Variants in AKT2 observed in about 807,000 individuals in gnomAD.
AKT2 encodes RAC-beta serine/threonine-protein kinase.
AKT2 carries 16 observed loss-of-function variants against 58.6 expected under a neutral mutation model. The observed-to-expected ratio is 0.27, with a 90% CI of 0.18 to 0.41. The LOEUF is 0.41. Among genes scored for constraint, AKT2 ranks in the 10% least tolerant of loss-of-function variants. The pLI, the probability that AKT2 is intolerant of heterozygous loss-of-function variation, is 1.00. For missense variants in AKT2, 438 were observed against 661.0 expected (o/e 0.66, Z 3.70); for synonymous variants, 253 against 254.0 (o/e 1.00, Z 0.04).
chr19:40,233,022 C>G lies in AKT2; in HGVS notation c.*850G>C, dbSNP rs73933226. 4.3e-6 allele frequency: 1 copy of G among 234,544 alleles called. No individual in the cohort carries two copies. The highest frequency in any genetic ancestry group is 8.4e-6 in the Non-Finnish European group (1 of 119,106). 14.5% of individuals were successfully genotyped at this position (234,544 alleles called of 1,614,324 possible). ...GCCAAGGCTGGTGGCCCTCCACCCC[C>G]GCAGAGGAGAGGGTGAGCCCAGCCC... is the stretch of plus-strand genomic sequence containing the variant. On this transcript the variant is annotated 3_prime_UTR_variant, in exon 14 of 14. Coordinates refer to ENST00000392038, the MANE Select transcript of AKT2 (RefSeq NM_001626.6). This position sits in a 1 kb window ranked among gnomAD's most constrained non-coding sequence, Gnocchi z 4.3.
chr19:40,236,429 T>C, intron 9 of AKT2, 44 bp from the exon 10 acceptor site: 7 of 1,613,278 alleles, frequency 4.3e-6, no homozygotes, highest in Non-Finnish European at 5.9e-6. Flanking sequence ...CTCCCAAGGC[T>C]TCCTGCCACC....
At chr19:40,252,252 T>C (rs1357970569) in intron 4 of AKT2, among the ~76,000 whole-genome samples, 1 of 152,212 alleles carries the variant, frequency 6.6e-6, no homozygotes, top group Admixed American at 6.5e-5. Flanking sequence ...GCTGGGTTTC[T>C]GGTTCACCCC....
rs756750912 is a variant in AKT2, at chr19:40,236,011, T to G, written c.1054A>C (p.Asn352His). The G allele has an allele frequency of 6.2e-7, 1 of 1,613,940 alleles. No homozygotes were observed. The highest frequency in any genetic ancestry group is 1.3e-5 in the African/African-American group (1 of 74,886). ...EMMCGRLPFY[N>H]QDHERLFELI... ...TCGAAGAGGCGCTCGTGGTCCTGGT[T>G]GTAGAAGGGCAGGCGGCCGCACATC... The change falls in exon 11 of 14, where the codon AAC becomes CAC. Residue 352 changes from asparagine (N) to histidine (H), a missense_variant. Asn to His is a moderately conservative substitution (Grantham distance 68). Around this residue, in one of 3 missense-constraint regions of AKT2, gnomAD observed 148 missense variants for 199.5 expected, o/e 0.74. Transcript: ENST00000392038.
rs1396955677 is a variant in AKT2 at position 40,237,863 on chromosome 19, T to TG, written c.831+105dup. The TG allele has an allele frequency of 1.5e-5, 23 of 1,521,850 alleles. No individual in the cohort carries two copies. The highest frequency in any genetic ancestry group is 2.0e-5 in the Non-Finnish European group (22 of 1,125,324). 94.3% of individuals were successfully genotyped at this position (1,521,850 alleles called of 1,614,324 possible). ...GGGCAGCCACCACCCTGGACCTTGG[T>TG]GGGGAGCCTGGCGAATGAGGGCAGA... is the stretch of plus-strand genomic sequence containing the variant. On this transcript the variant is annotated intron_variant, in intron 9 of 13. Coordinates refer to ENST00000392038, the MANE Select transcript of AKT2 (RefSeq NM_001626.6). This position sits in a 1 kb window ranked among gnomAD's most constrained non-coding sequence, Gnocchi z 4.5.
rs1975455260 is a variant in AKT2 at position 40,255,272 on chromosome 19, G to A, written c.176-3C>T. The stretch of plus-strand genomic sequence containing the variant: ...CTCGGTCTTCATCAGCTGGCATTCT[G>A]CAGGCAGAGGGAACAGACAGCAGGG... On this transcript the variant is annotated splice_region_variant and splice_polypyrimidine_tract_variant and intron_variant, in intron 3 of 13. Coordinates refer to ENST00000392038, the MANE Select transcript of AKT2 (RefSeq NM_001626.6). The A allele has an allele frequency of 6.2e-7, 1 of 1,612,714 alleles. No individual in the cohort carries two copies. The highest frequency in any genetic ancestry group is 8.5e-7 in the Non-Finnish European group (1 of 1,178,922).
intron 3 of AKT2, 164 bp from the exon 4 acceptor site, chr19:40,255,433 G>A: frequency 1.7e-6 from 1 of 586,460 alleles, no homozygotes; most frequent in East Asian, 2.9e-5. Flanking sequence ...CAGGGCTCAG[G>A]GTCTAGTGTG....
intron 7 of AKT2, 55 bp downstream of exon 7, chr19:40,239,990 T>G: frequency 2.2e-5 from 34 of 1,576,396 alleles, no homozygotes; most frequent in Non-Finnish European, 2.4e-5. Flanking sequence ...GCTCTCTCTC[T>G]GAGCTCTGTC....
Position 40,242,017 on chromosome 19 carries a change from T to C in AKT2, c.494A>G (p.Lys165Arg). The change falls in exon 6 of 14, where the codon AAA becomes AGA. Residue 165 changes from lysine (K) to arginine (R), a missense_variant. Transcript: ENST00000392038. This position sits in a 1 kb window ranked among gnomAD's most constrained non-coding sequence, Gnocchi z 4.3. ...LKLLGKGTFGKVILVREKATG... is the reference protein window; with the variant it reads ...LKLLGKGTFGRVILVREKATG... Reference sequence around the variant, plus strand: ...GGCCTTCTCCCGCACCAGGATGACTTTGCCAAAGGTTCCCTTGCCAAGGAG... The same window carrying C: ...GGCCTTCTCCCGCACCAGGATGACTCTGCCAAAGGTTCCCTTGCCAAGGAG... 6.2e-7 allele frequency: 1 copy of C among 1,614,226 alleles called. No homozygotes were observed. The highest frequency in any genetic ancestry group is 8.5e-7 in the Non-Finnish European group (1 of 1,180,042).
At chr19:40,283,625 C>A (rs2077462696) in intron 1 of AKT2, among the ~76,000 whole-genome samples, 1 of 152,206 alleles carries the variant, frequency 6.6e-6, no homozygotes, top group African/African-American at 2.4e-5. Flanking sequence ...GGCTACAGGG[C>A]AAGCCAAGGT....
At chr19:40,252,401 G>A (rs1975221613) in intron 4 of AKT2, among the ~76,000 whole-genome samples, 2 of 152,310 alleles carry the variant, frequency 1.3e-5, no homozygotes, top group Non-Finnish European at 1.5e-5. Flanking sequence ...TCTTGGTAAA[G>A]GAAAGGGCAT....
chr19:40,241,655 A>G (rs914688691), intron 6 of AKT2: 35 of 472,822 alleles, frequency 7.4e-5, no homozygotes, highest in Non-Finnish European at 1.6e-5. Context: ...GTCCTCCCCA[A>G]CAGGCCCCAG....
intron 1 of AKT2, chr19:40,279,668 A>AAG (rs1555779273): frequency 4.0e-5 from 6 of 150,614 alleles, no homozygotes; most frequent in Non-Finnish European, 4.4e-5. Context: ...AAAAAAAAAA[A>AAG]GCCAGAGCGC....
chr19:40,242,297 G>C lies in AKT2; in HGVS notation c.442-228C>G, dbSNP rs1974460129. 1 of 856,230 alleles carries C rather than the reference G, an allele frequency of 1.2e-6. No homozygotes were observed. The highest frequency in any genetic ancestry group is 1.8e-6 in the Non-Finnish European group (1 of 547,476). 53.0% of individuals were successfully genotyped at this position (856,230 alleles called of 1,614,324 possible). ...CTGGGCTCTGACGTGGGGGTAGCCAGGTCTTCACCAACTCCCAGGACGAAC... is the reference window on the plus strand; with the variant it reads ...CTGGGCTCTGACGTGGGGGTAGCCACGTCTTCACCAACTCCCAGGACGAAC... On this transcript the variant is annotated intron_variant, in intron 5 of 13. Transcript: ENST00000392038. The surrounding 1 kb of genome is among the most constrained non-coding windows in gnomAD (Gnocchi z 4.3).
chr19:40,284,968 C>CCT, intron 1 of AKT2: 1 of 360,220 alleles, frequency 2.8e-6, no homozygotes, highest in Middle Eastern at 7.1e-4. Flanking sequence ...CCCCCCACCG[C>CCT]CTCAGTGGTA....
At chr19:40,278,903 C>G (rs1481005288) in intron 1 of AKT2, among the ~76,000 whole-genome samples, 1 of 151,748 alleles carries the variant, frequency 6.6e-6, no homozygotes, top group African/African-American at 2.4e-5. Context: ...GTGCCAAGAG[C>G]AGGGTTCTCA....
Position 40,230,381 on chromosome 19 carries a change from T to C in AKT2, c.*3491A>G, listed in dbSNP as rs191463799. The C allele has an allele frequency of 1.1e-3, 239 of 220,540 alleles. No individual in the cohort carries two copies. Among genetic ancestry groups the C allele is most frequent in the Admixed American group, 2.2e-3 (38 of 17,362 alleles). The allele number at this position is 220,540 out of a possible 1,614,324, so 13.7% of individuals were successfully genotyped here. ...CACCAAACGAAACCAAGTCAATTCC[T>C]GTTAACGGGGCAGCTGAAGCGGTTG... On this transcript the variant is annotated 3_prime_UTR_variant, in exon 14 of 14. Coordinates refer to ENST00000392038, the MANE Select transcript of AKT2 (RefSeq NM_001626.6).
Position 40,240,713 on chromosome 19 carries a change from C to A in AKT2, c.574-603G>T, listed in dbSNP as rs149948043. 3 of 195,820 alleles carry A rather than the reference C, an allele frequency of 1.5e-5. No individual in the cohort carries two copies. In the East Asian group the frequency reaches 3.9e-4, roughly 25 times the overall value. The allele number at this position is 195,820 out of a possible 1,614,324, so 12.1% of individuals were successfully genotyped here. A position where few individuals can be genotyped will look rare whatever the true frequency, so the allele number is the denominator to read the frequency against. ...AAAAATCTGGAGCCACCTGCAGCAA[C>A]GTGAACACAGGCTCTCTCTGGGGCA... On this transcript the variant is annotated intron_variant, in intron 6 of 13. Coordinates refer to ENST00000392038, the MANE Select transcript of AKT2 (RefSeq NM_001626.6).
At position 40,231,367 on chromosome 19, in the gene AKT2, G is replaced by A. The variant is rs1973694180; in HGVS notation, c.*2505C>T. 1 of 233,040 alleles carries A rather than the reference G, an allele frequency of 4.3e-6. No individual in the cohort carries two copies. Among genetic ancestry groups the A allele is most frequent in the African/African-American group, 2.2e-5 (1 of 45,322 alleles). The allele number at this position is 233,040 out of a possible 1,614,324, so 14.4% of individuals were successfully genotyped here. ...GAAGAGTAAAAGGCCTTTCTTCATA[G>A]GCCTGCCTATTTTATGACCACCAGG... On this transcript the variant is annotated 3_prime_UTR_variant, in exon 14 of 14. Coordinates refer to ENST00000392038, the MANE Select transcript of AKT2 (RefSeq NM_001626.6).
At chr19:40,271,832 C>T (rs1183690413) in intron 1 of AKT2, among the ~76,000 whole-genome samples, 2 of 152,192 alleles carry the variant, frequency 1.3e-5, no homozygotes, top group Admixed American at 6.5e-5. Flanking sequence ...AGAACACCTT[C>T]CCCTGGTTAC....
Sources: allele counts gnomAD v4.1 joint callset (sites outside exome capture counted in the v4.1 genomes callset), GRCh38; gene constraint gnomAD v4.1.1; regional missense constraint gnomAD v4.1.1; non-coding constraint Gnocchi (gnomAD v3.1); transcripts MANE v1.5; gene names NCBI Gene and HGNC (gene_info 2026-07-23, HGNC 2026-07-21).